The following PLXNA2 variants were observed in gnomAD, a reference collection of about 807,000 sequenced individuals.
PLXNA2 encodes plexin A2.
A neutral mutation model predicts 193.5 loss-of-function variants in PLXNA2; 91 were observed. The ratio of observed to expected loss-of-function variants is 0.47; its 90% CI spans 0.40 to 0.56. The LOEUF (loss-of-function observed/expected upper bound fraction) is 0.56, where lower values mean the gene tolerates loss of function less well. PLXNA2 is among the 20% of genes least tolerant of loss of function. The pLI, the probability that PLXNA2 is intolerant of heterozygous loss-of-function variation, is 0.00. For missense variants in PLXNA2, 1,995 were observed against 2,503.2 expected (o/e 0.80, Z 4.33); for synonymous variants, 997 against 1,027.3 (o/e 0.97, Z 0.56).
chr1:208,209,057 G>A (rs780511398), intron 3 of PLXNA2, among the ~76,000 whole-genome samples: 4 of 152,118 alleles, frequency 2.6e-5, no homozygotes, highest in Non-Finnish European at 4.4e-5. Context: ...TCCATGTGCC[G>A]AAAAGCCAAG....
intron 3 of PLXNA2, among the ~76,000 whole-genome samples, chr1:208,198,338 G>T (rs1243633357): frequency 1.3e-5 from 2 of 152,222 alleles, no homozygotes; most frequent in Non-Finnish European, 2.9e-5. Context: ...GCACACAAAA[G>T]ATCCCAGACA....
chr1:208,090,081 G>C (rs1199435105), intron 9 of PLXNA2, among the ~76,000 whole-genome samples: 2 of 152,192 alleles, frequency 1.3e-5, no homozygotes, highest in Admixed American at 6.5e-5. Flanking sequence ...AGGAAGCCCC[G>C]GAAGTGGCCC....
chr1:208,054,401 G>A lies in PLXNA2; in HGVS notation c.2856+20C>T. ...TCTCCTCCCTGGGCACCTGCACCTGGCCCTGGACCCAGTACTCACCACGAA... is the reference window on the plus strand; with the variant it reads ...TCTCCTCCCTGGGCACCTGCACCTGACCCTGGACCCAGTACTCACCACGAA... On this transcript the variant is annotated intron_variant, in intron 14 of 31. Coordinates refer to ENST00000367033, the MANE Select transcript of PLXNA2 (RefSeq NM_025179.4). 6.4e-7 allele frequency: 1 copy of A among 1,554,084 alleles called. No homozygotes were observed. The highest frequency in any genetic ancestry group is 8.9e-7 in the Non-Finnish European group (1 of 1,125,840).
intron 3 of PLXNA2, among the ~76,000 whole-genome samples, chr1:208,145,816 C>T (rs1428031314): frequency 6.6e-6 from 1 of 152,176 alleles, no homozygotes. Context: ...CAGAATCAAA[C>T]CTACATAAGT....
chr1:208,098,454 TCTCTCACACACACACACACA>T (rs56190942), intron 6 of PLXNA2, among the ~76,000 whole-genome samples: 1,995 of 106,032 alleles, frequency 0.019, 26 homozygotes, highest in Middle Eastern at 0.036. Context: ...TCTCTCTCTC[TCTCTCACACACACACACACA>T]CACACACACA....
chr1:208,174,080 C>A (rs1206204226), intron 3 of PLXNA2, among the ~76,000 whole-genome samples: 1 of 152,166 alleles, frequency 6.6e-6, no homozygotes, highest in African/African-American at 2.4e-5. Flanking sequence ...TGTGCCAAGT[C>A]CCCTCTGAGA....
chr1:208,175,825 T>C (rs550791000), intron 3 of PLXNA2, among the ~76,000 whole-genome samples: 3 of 152,250 alleles, frequency 2.0e-5, no homozygotes, highest in African/African-American at 7.2e-5. Context: ...GAAAACCTGA[T>C]AGCCAGAGAA....
chr1:208,080,530 C>T (rs1391108889), intron 11 of PLXNA2, among the ~76,000 whole-genome samples: 5 of 152,078 alleles, frequency 3.3e-5, no homozygotes, highest in Admixed American at 6.5e-5. Context: ...GGTGGTATGC[C>T]GTTGCTGAAA....
chr1:208,036,839 T>C (rs754680173), intron 26 of PLXNA2, among the ~76,000 whole-genome samples: 1 of 152,212 alleles, frequency 6.6e-6, no homozygotes, highest in Non-Finnish European at 1.5e-5. Flanking sequence ...CTTCTTCTGA[T>C]TGGGAGCCGT....
intron 1 of PLXNA2, among the ~76,000 whole-genome samples, chr1:208,222,542 T>C (rs1671372852): frequency 6.6e-6 from 1 of 152,132 alleles, no homozygotes; most frequent in Non-Finnish European, 1.5e-5. Flanking sequence ...ATCTCCCCGA[T>C]CAGGATTCAG....
In PLXNA2 at chr1:208,028,513, A is replaced by G. The variant is rs1179604110; in HGVS notation, c.5438+317T>C. ...CTCTCTGTACCTCAGTTTCCTTATCAGTAAAATGGGGATAATAATAATACT... is the reference window on the plus strand; with the variant it reads ...CTCTCTGTACCTCAGTTTCCTTATCGGTAAAATGGGGATAATAATAATACT... On this transcript the variant is annotated intron_variant, in intron 30 of 31. Transcript: ENST00000367033. This position sits in a 1 kb window ranked among gnomAD's most constrained non-coding sequence, Gnocchi z 4.2. Among the ~76,000 whole-genome samples the G allele has an allele frequency of 6.6e-6, 1 of 152,248 alleles. No homozygotes were observed. Among genetic ancestry groups the G allele is most frequent in the Non-Finnish European group, 1.5e-5 (1 of 68,050 alleles).
intron 1 of PLXNA2, among the ~76,000 whole-genome samples, chr1:208,221,541 G>A (rs924275102): frequency 2.0e-5 from 3 of 152,072 alleles, no homozygotes; most frequent in African/African-American, 2.4e-5. Context: ...GGGACTGCCC[G>A]CCTGGGAGCA....
chr1:208,049,454 T>A (rs1665183669), intron 17 of PLXNA2, among the ~76,000 whole-genome samples: 7 of 151,874 alleles, frequency 4.6e-5, no homozygotes. Context: ...CTTTTACCCA[T>A]GGATCAAGTT....
intron 4 of PLXNA2, among the ~76,000 whole-genome samples, chr1:208,141,324 T>C (rs1668450681): frequency 6.6e-6 from 1 of 152,192 alleles, no homozygotes; most frequent in South Asian, 2.1e-4. Context: ...AGGAGAGCTC[T>C]GGAAAGGGTA....
chr1:208,139,621 A>G (rs1668406837), intron 4 of PLXNA2, among the ~76,000 whole-genome samples: 1 of 152,236 alleles, frequency 6.6e-6, no homozygotes, highest in South Asian at 2.1e-4. Context: ...ATATGGTGTT[A>G]TCTGATGCAA....
At chr1:208,180,222 G>A (rs1436573178) in intron 3 of PLXNA2, among the ~76,000 whole-genome samples, 2 of 151,928 alleles carry the variant, frequency 1.3e-5, no homozygotes, top group Non-Finnish European at 2.9e-5. Context: ...GGCTGGGAAA[G>A]GGGGTGGAGT....
intron 3 of PLXNA2, among the ~76,000 whole-genome samples, chr1:208,193,760 G>A (rs940385438): frequency 7.2e-5 from 11 of 152,078 alleles, no homozygotes; most frequent in Non-Finnish European, 1.2e-4. Flanking sequence ...GGTCACAGTC[G>A]CTCACACCTG....
rs539526990 is a variant in PLXNA2, at chr1:208,170,430, C to T, written c.1372-27967G>A. 3.2e-4 allele frequency among the ~76,000 whole-genome samples: 49 copies of T among 152,262 alleles called. No homozygotes were observed. In the South Asian group the frequency reaches 8.1e-3, roughly 25 times the overall value. ...ATTGACAGGCAGGGGGAAGCAGGGGCGGGTGGATCTGAACCACGGCCAGGA... is the reference window on the plus strand; with the variant it reads ...ATTGACAGGCAGGGGGAAGCAGGGGTGGGTGGATCTGAACCACGGCCAGGA... On this transcript the variant is annotated intron_variant, in intron 3 of 31. Coordinates refer to ENST00000367033, the MANE Select transcript of PLXNA2 (RefSeq NM_025179.4).
chr1:208,091,496 A>C (rs1571905519), intron 9 of PLXNA2, among the ~76,000 whole-genome samples: 1 of 152,196 alleles, frequency 6.6e-6, no homozygotes, highest in East Asian at 1.9e-4. Flanking sequence ...TTTGCTAAAT[A>C]AGACATTGAA....
Sources: allele counts gnomAD v4.1 joint callset (sites outside exome capture counted in the v4.1 genomes callset), GRCh38; gene constraint gnomAD v4.1.1; non-coding constraint Gnocchi (gnomAD v3.1); transcripts MANE v1.5; gene names NCBI Gene and HGNC (gene_info 2026-07-23, HGNC 2026-07-21).